Variants in ABAT observed in about 807,000 individuals in gnomAD.
The protein encoded by ABAT is 4-aminobutyrate aminotransferase, also known as 4-aminobutyrate aminotransferase, mitochondrial.
A neutral mutation model predicts 64.6 loss-of-function variants in ABAT; 45 were observed. The ratio of observed to expected loss-of-function variants is 0.70; its 90% CI spans 0.55 to 0.89. The LOEUF (loss-of-function observed/expected upper bound fraction) is 0.89. Among genes scored for constraint, ABAT ranks in the 40% least tolerant of loss-of-function variants. The pLI, the probability that ABAT is intolerant of heterozygous loss-of-function variation, is 0.00. For synonymous variants in ABAT, 297 were observed against 250.5 expected, an observed-to-expected ratio of 1.19 and a Z score of -1.75; for missense variants, 633 against 658.4, an observed-to-expected ratio of 0.96 and a Z score of 0.42.
rs141814500 is a variant in ABAT, at chr16:8,693,532, G to A, written c.-42+18821G>A. On this transcript the variant is annotated intron_variant, in intron 1 of 15. Coordinates refer to ENST00000268251, the MANE Select transcript of ABAT (RefSeq NM_020686.6). ...CACCCAGACTGGAGTGCAGTGGCAC[G>A]ATCTCAGCTCACTGCAACCTCCGCC... Among the ~76,000 whole-genome samples, 624 of 151,916 alleles carry A rather than the reference G, an allele frequency of 4.1e-3. 6 individuals carry two copies. The highest frequency in any genetic ancestry group is 0.015 in the African/African-American group (605 of 41,420).
intron 6 of ABAT, among the ~76,000 whole-genome samples, chr16:8,763,321 A>G (rs2059851395): frequency 6.6e-6 from 1 of 152,146 alleles, no homozygotes; most frequent in Non-Finnish European, 1.5e-5. Flanking sequence ...CAACTCTACA[A>G]TGAGGACAAT....
At chr16:8,742,140 A>C (rs1965648) in intron 2 of ABAT, among the ~76,000 whole-genome samples, 1 of 152,196 alleles carries the variant, frequency 6.6e-6, no homozygotes, top group South Asian at 2.1e-4. Flanking sequence ...GCGCCCAGTT[A>C]GCCAGTTCTC....
At chr16:8,754,845 A>G (rs1054340202) in intron 5 of ABAT, among the ~76,000 whole-genome samples, 2 of 151,814 alleles carry the variant, frequency 1.3e-5, no homozygotes, top group African/African-American at 4.8e-5. Flanking sequence ...CAGCCTCCCA[A>G]GTAGCTGGGA....
chr16:8,693,599 G>T (rs975583956), intron 1 of ABAT, among the ~76,000 whole-genome samples: 2 of 152,162 alleles, frequency 1.3e-5, no homozygotes, highest in Admixed American at 1.3e-4. Flanking sequence ...CTCCTGAGTA[G>T]CTGGGATTAT....
intron 5 of ABAT, chr16:8,757,265 T>A (rs1218580643): frequency 2.4e-6 from 1 of 424,032 alleles, no homozygotes; most frequent in African/African-American, 2.1e-5. Context: ...CCTCTTGTGT[T>A]CAAGAGATTC....
intron 5 of ABAT, among the ~76,000 whole-genome samples, chr16:8,752,034 G>A (rs984186932): frequency 1.3e-5 from 2 of 151,930 alleles, no homozygotes; most frequent in Admixed American, 6.5e-5. Flanking sequence ...AGAAGAGCCC[G>A]GGGCATCCTC....
chr16:8,731,869 C>G (rs1246345561), intron 1 of ABAT, among the ~76,000 whole-genome samples: 1 of 151,812 alleles, frequency 6.6e-6, no homozygotes, highest in African/African-American at 2.4e-5. Context: ...TTTTTTCCTC[C>G]TTGAAACAGA....
Position 8,781,395 on chromosome 16 carries a change from A to G in ABAT, c.1468A>G (p.Asn490Asp), listed in dbSNP as rs1257407270. The change falls in exon 16 of 16, where the codon AAT becomes GAT. Residue 490 changes from asparagine to aspartate, a missense_variant. Coordinates refer to ENST00000268251, the MANE Select transcript of ABAT (RefSeq NM_020686.6). This position sits in a 1 kb window ranked among gnomAD's most constrained non-coding sequence, Gnocchi z 4.5. ...GGATCACCACGCTCACCTGTTCCTC[A>G]ATATTTTCAGTGACATCTTAGCAGA... ...FRDHHAHLFL[N>D]IFSDILADFK 2 of 1,614,190 alleles carry G rather than the reference A, an allele frequency of 1.2e-6. No individual in the cohort carries two copies. Among genetic ancestry groups the G allele is most frequent in the South Asian group, 1.1e-5 (1 of 91,080 alleles).
chr16:8,725,387 C>A (rs548118583), intron 1 of ABAT, among the ~76,000 whole-genome samples: 1 of 152,190 alleles, frequency 6.6e-6, no homozygotes, highest in South Asian at 2.1e-4. Flanking sequence ...TCCTCCCAGG[C>A]CCCTGCCAAC....
Position 8,764,608 on chromosome 16 carries a change from C to G in ABAT, c.448-130C>G. ...GCCTGAGCCCACCCTCCCAGTCCGA[C>G]ACCTTCCAGGACAGCCCTGGTTCTG... On this transcript the variant is annotated intron_variant, in intron 7 of 15. Coordinates refer to ENST00000268251, the MANE Select transcript of ABAT (RefSeq NM_020686.6). The surrounding 1 kb of genome is among the most constrained non-coding windows in gnomAD (Gnocchi z 4.2). The G allele has an allele frequency of 1.1e-6, 1 of 908,588 alleles. No individual in the cohort carries two copies. Among genetic ancestry groups the G allele is most frequent in the Non-Finnish European group, 1.8e-6 (1 of 563,158 alleles). The allele number at this position is 908,588 out of a possible 1,614,324, so 56.3% of individuals were successfully genotyped here.
chr16:8,770,331 G>C (rs561313135), intron 11 of ABAT, among the ~76,000 whole-genome samples: 62 of 152,254 alleles, frequency 4.1e-4, no homozygotes, highest in African/African-American at 1.4e-3. Flanking sequence ...TAGAGACAGG[G>C]TTTCACCGTG....
At chr16:8,768,591 G>A (rs2060013385) in intron 10 of ABAT, among the ~76,000 whole-genome samples, 1 of 152,178 alleles carries the variant, frequency 6.6e-6, no homozygotes, top group Non-Finnish European at 1.5e-5. Flanking sequence ...TCAGCTTCCG[G>A]ATGAGAACTG....
At position 8,781,204 on chromosome 16, in the gene ABAT, TGG is replaced by T. The variant is rs1348449947; in HGVS notation, c.1382-104_1382-103del. On this transcript the variant is annotated intron_variant, in intron 15 of 15. Transcript: ENST00000268251. This position sits in a 1 kb window ranked among gnomAD's most constrained non-coding sequence, Gnocchi z 4.5. ...TGATGGAGGATGATGGATGGATGGA[TGG>T]ATGGATGGATGAGCGTTGCCAACAG... The T allele has an allele frequency of 1.3e-6, 2 of 1,555,444 alleles. No homozygotes were observed. Among genetic ancestry groups the T allele is most frequent in the South Asian group, 2.2e-5 (2 of 89,844 alleles).
intron 1 of ABAT, chr16:8,713,857 C>G: frequency 2.2e-6 from 1 of 456,108 alleles, no homozygotes; most frequent in South Asian, 1.5e-5. Flanking sequence ...ACTCCGACTA[C>G]CAGGCACCGT....
At chr16:8,763,090 G>T (rs2059843391) in intron 6 of ABAT, among the ~76,000 whole-genome samples, 1 of 130,520 alleles carries the variant, frequency 7.7e-6, no homozygotes, top group Non-Finnish European at 1.6e-5. Flanking sequence ...ACCTGAGAGA[G>T]CAAGACCCTG....
At chr16:8,728,639 G>C (rs967778293) in intron 1 of ABAT, among the ~76,000 whole-genome samples, 1 of 152,202 alleles carries the variant, frequency 6.6e-6, no homozygotes, top group East Asian at 1.9e-4. Flanking sequence ...ACTTTGGGAG[G>C]CAGAGGCGGG....
At chr16:8,735,636 G>C in intron 1 of ABAT, 63 bp from the exon 2 acceptor site, 1 of 1,342,754 alleles carries the variant, frequency 7.4e-7, no homozygotes, top group Non-Finnish European at 1.0e-6. Flanking sequence ...GTGGGGATGG[G>C]ATCTTTGGCT....
At chr16:8,734,512 A>G (rs1168833876) in intron 1 of ABAT, among the ~76,000 whole-genome samples, 1 of 152,156 alleles carries the variant, frequency 6.6e-6, no homozygotes, top group East Asian at 1.9e-4. Context: ...TCCACCACTT[A>G]ACCTCTCTGT....
intron 1 of ABAT, among the ~76,000 whole-genome samples, chr16:8,724,354 C>T (rs982314643): frequency 2.0e-5 from 3 of 152,160 alleles, no homozygotes; most frequent in Non-Finnish European, 4.4e-5. Flanking sequence ...TCTTTTTGTT[C>T]GCTGCTCCAA....
Sources: allele counts gnomAD v4.1 joint callset (sites outside exome capture counted in the v4.1 genomes callset), GRCh38; gene constraint gnomAD v4.1.1; non-coding constraint Gnocchi (gnomAD v3.1); transcripts MANE v1.5; gene names NCBI Gene and HGNC (gene_info 2026-07-23, HGNC 2026-07-21).